The following LITAF variants were observed in gnomAD, a reference collection of about 807,000 sequenced individuals.
LITAF encodes the protein lipopolysaccharide-induced tumor necrosis factor-alpha factor.
LITAF carries 9 observed loss-of-function variants against 14.5 expected under a neutral mutation model. That is an observed-to-expected ratio of 0.62 (90% CI 0.37 to 1.08). LITAF has a LOEUF of 1.08. LITAF is among the 50% of genes least tolerant of loss of function. The probability of loss-of-function intolerance (pLI) is 0.01; values close to 1 mark genes in which losing one functional copy is unlikely to be tolerated. For missense variants in LITAF, 206 were observed against 213.4 expected (o/e 0.97, Z 0.22); for synonymous variants, 98 against 88.2 (o/e 1.11, Z -0.62).
intron 1 of LITAF, among the ~76,000 whole-genome samples, chr16:11,568,880 A>G (rs758692333): frequency 5.9e-5 from 9 of 151,958 alleles, no homozygotes; most frequent in Admixed American, 1.3e-4. Flanking sequence ...GGGTTTCACC[A>G]TATTGGCCAA....
At chr16:11,551,148 G>C (rs1285587622) in intron 3 of LITAF, among the ~76,000 whole-genome samples, 2 of 152,142 alleles carry the variant, frequency 1.3e-5, no homozygotes, top group Non-Finnish European at 2.9e-5. Flanking sequence ...GAAGACGCTG[G>C]TTTACATAAA....
In LITAF at chr16:11,632,089, G is replaced by C. The variant is rs148536676; in HGVS notation, c.85+1444C>G. Reference sequence around the variant, plus strand: ...TCACCGTGTTAACCAGGATGGTCTTGATCTCCTGACCTCGTGATCCACCCG... The same window carrying C: ...TCACCGTGTTAACCAGGATGGTCTTCATCTCCTGACCTCGTGATCCACCCG... On this transcript the variant is annotated intron_variant, in intron 3 of 3. Coordinates refer to the LITAF transcript ENST00000574848. This position sits in a 1 kb window ranked among gnomAD's most constrained non-coding sequence, Gnocchi z 4.8. Among the ~76,000 whole-genome samples the C allele has an allele frequency of 0.053, 7,965 of 150,986 alleles. 318 individuals are homozygous for C. Among genetic ancestry groups the C allele is most frequent in the African/African-American group, 0.1 (4,316 of 41,122 alleles).
At chr16:11,621,397 G>A (rs1458155788) in intron 3 of LITAF, among the ~76,000 whole-genome samples, 1 of 152,080 alleles carries the variant, frequency 6.6e-6, no homozygotes, top group Non-Finnish European at 1.5e-5. Context: ...CAGAGATGGG[G>A]TCTTGCTATG....
chr16:11,556,397 G>A (rs1597332499), intron 2 of LITAF, 114 bp downstream of exon 2: 2 of 858,104 alleles, frequency 2.3e-6, no homozygotes, highest in East Asian at 5.3e-5. Flanking sequence ...GGGTAAAACT[G>A]GAACGTACTG....
intron 1 of LITAF, among the ~76,000 whole-genome samples, chr16:11,593,158 G>A (rs574270765): frequency 6.6e-6 from 1 of 151,578 alleles, no homozygotes; most frequent in Admixed American, 6.6e-5. Flanking sequence ...GCAGCAGAGT[G>A]AAACTCTGTC....
At chr16:11,624,099 A>G (rs1186599449) in intron 3 of LITAF, among the ~76,000 whole-genome samples, 1 of 152,202 alleles carries the variant, frequency 6.6e-6, no homozygotes, top group Non-Finnish European at 1.5e-5. Context: ...AGCCTGGGCA[A>G]CATAGTAAGA....
At position 11,550,040 on chromosome 16, in the gene LITAF, G is replaced by A. The variant is rs74469401; in HGVS notation, c.378-295C>T. Among the ~76,000 whole-genome samples, 13,620 of 152,200 alleles carry A rather than the reference G, an allele frequency of 0.089. 693 individuals are homozygous for A. The highest frequency in any genetic ancestry group is 0.11 in the Non-Finnish European group (7,633 of 67,974). On this transcript the variant is annotated intron_variant, in intron 3 of 3. Transcript: ENST00000622633. Reference sequence around the variant, plus strand: ...GGACACCTGGACCTACTAGAAGCTGGAGGAGGCAAAAAATGATTCTCCCTG... The same window carrying A: ...GGACACCTGGACCTACTAGAAGCTGAAGGAGGCAAAAAATGATTCTCCCTG...
intron 3 of LITAF, among the ~76,000 whole-genome samples, chr16:11,622,406 A>G (rs1746932847): frequency 6.6e-6 from 1 of 152,348 alleles, no homozygotes; most frequent in African/African-American, 2.4e-5. Context: ...AGGCCCAGGA[A>G]AAACAAACCC....
chr16:11,554,787 C>CAAAA (rs56346206), intron 2 of LITAF, among the ~76,000 whole-genome samples: 8 of 64,480 alleles, frequency 1.2e-4, no homozygotes, highest in African/African-American at 2.4e-4. Flanking sequence ...GACTCTACCT[C>CAAAA]AAAAAAAAAA....
At chr16:11,551,069 G>A (rs1000552958) in intron 3 of LITAF, among the ~76,000 whole-genome samples, 1 of 152,128 alleles carries the variant, frequency 6.6e-6, no homozygotes, top group African/African-American at 2.4e-5. Flanking sequence ...GGCACACACA[G>A]GCAGGAACCT....
chr16:11,630,685 C>T (rs1462279219), intron 3 of LITAF, among the ~76,000 whole-genome samples: 1 of 150,746 alleles, frequency 6.6e-6, no homozygotes, highest in Non-Finnish European at 1.5e-5. Flanking sequence ...CTCAAACAAT[C>T]CTCCCACCTC....
upstream of LITAF, among the ~76,000 whole-genome samples, chr16:11,589,585 G>A (rs2064836053): frequency 6.7e-6 from 1 of 149,412 alleles, no homozygotes; most frequent in Non-Finnish European, 1.5e-5. Flanking sequence ...CAGCAAAGTT[G>A]TGGGATTTAA....
chr16:11,635,643 G>A (rs879521608), intron 2 of LITAF, among the ~76,000 whole-genome samples: 2 of 152,184 alleles, frequency 1.3e-5, no homozygotes, highest in Non-Finnish European at 2.9e-5. Context: ...CCCCATATCT[G>A]TCTCTCTGAC....
intron 1 of LITAF, chr16:11,561,506 G>A (rs1452968031): frequency 6.6e-6 from 1 of 152,148 alleles, no homozygotes; most frequent in African/African-American, 2.4e-5. Context: ...TATCTTCTGG[G>A]ATTTCGAGAC....
upstream of LITAF, among the ~76,000 whole-genome samples, chr16:11,600,922 C>T (rs962746841): frequency 6.6e-6 from 1 of 152,136 alleles, no homozygotes; most frequent in African/African-American, 2.4e-5. This position sits in a 1 kb window ranked among gnomAD's most constrained non-coding sequence, Gnocchi z 4.1. Flanking sequence ...AACATGGATA[C>T]AAGCTATAAT....
intron 3 of LITAF, among the ~76,000 whole-genome samples, chr16:11,551,286 C>T (rs74007590): frequency 0.15 from 22,161 of 152,120 alleles, 2,096 homozygotes; most frequent in African/African-American, 0.27. Context: ...CTATGGCTTA[C>T]AGGTGCAGGC....
At position 11,556,495 on chromosome 16, in the gene LITAF, G is replaced by C. The variant is rs1358554876; in HGVS notation, c.220+16C>G. The C allele has an allele frequency of 6.2e-7, 1 of 1,600,214 alleles. No homozygotes were observed. The highest frequency in any genetic ancestry group is 8.6e-7 in the Non-Finnish European group (1 of 1,168,920). ...GGCCAAGGAATGGTAAGGGGGGCCT[G>C]GGAGGCCACACGTACTTGGATTGTT... On this transcript the variant is annotated intron_variant, in intron 2 of 3. Coordinates refer to ENST00000622633, the MANE Select transcript of LITAF (RefSeq NM_001136472.2).
intron 1 of LITAF, among the ~76,000 whole-genome samples, chr16:11,559,876 TC>T (rs2064332411): frequency 6.6e-6 from 1 of 151,484 alleles, no homozygotes; most frequent in South Asian, 2.1e-4. Flanking sequence ...ACCCCTGTGG[TC>T]CCAGCTACTT....
intron 3 of LITAF, among the ~76,000 whole-genome samples, chr16:11,552,435 A>T (rs2064195305): frequency 6.6e-6 from 1 of 152,240 alleles, no homozygotes; most frequent in African/African-American, 2.4e-5. Flanking sequence ...ATAAAAGGAT[A>T]AGAAGTTTTG....
Sources: allele counts gnomAD v4.1 joint callset (sites outside exome capture counted in the v4.1 genomes callset), GRCh38; gene constraint gnomAD v4.1.1; non-coding constraint Gnocchi (gnomAD v3.1); transcripts MANE v1.5; gene names NCBI Gene and HGNC (gene_info 2026-07-23, HGNC 2026-07-21).